The following PNPLA2 variants were observed in gnomAD, a reference collection of about 807,000 sequenced individuals.
The protein encoded by PNPLA2 is patatin like domain 2, triacylglycerol lipase.
A neutral mutation model predicts 39.7 loss-of-function variants in PNPLA2; 28 were observed. The observed-to-expected ratio is 0.70, with a 90% CI of 0.52 to 0.97. The LOEUF (loss-of-function observed/expected upper bound fraction) is 0.97. PNPLA2 is among the 50% of genes least tolerant of loss of function. The pLI, the probability that PNPLA2 is intolerant of heterozygous loss-of-function variation, is 0.00. For missense variants in PNPLA2, 768 were observed against 698.2 expected (o/e 1.10, Z -1.13); for synonymous variants, 392 against 321.1 (o/e 1.22, Z -2.36).
rs944560685 is a variant in PNPLA2 at position 824,613 on chromosome 11, G to C, written c.1266G>C (p.Trp422Cys). The C allele has an allele frequency of 1.3e-6, 2 of 1,593,954 alleles. No individual in the cohort carries two copies. ...CAAYREALPGWMRNNLSLGDA... is the reference protein window; with the variant it reads ...CAAYREALPGCMRNNLSLGDA... ...CCTACAGAGAGGCACTGCCCGGCTGGATGCGCAACAACCTCTCGCTGGGGG... is the reference window on the plus strand; with the variant it reads ...CCTACAGAGAGGCACTGCCCGGCTGCATGCGCAACAACCTCTCGCTGGGGG... The change falls in exon 10 of 10, where the codon TGG (tryptophan) becomes TGC (cysteine). Residue 422 changes from tryptophan to cysteine, a missense_variant. Physicochemically the swap from Trp to Cys is radical, Grantham distance 215. Transcript: ENST00000336615.
rs372164277 is a variant in PNPLA2 at position 824,400 on chromosome 11, G to T, written c.1139G>T (p.Arg380Leu). 4 of 1,554,198 alleles carry T rather than the reference G, an allele frequency of 2.6e-6. No homozygotes were observed. The African/African-American group carries it at 5.5e-5, about 21-fold the overall frequency. Residue 380 changes from arginine to leucine, a missense_variant, in exon 9 of 10, where the codon CGC becomes CTC. Coordinates refer to ENST00000336615, the MANE Select transcript of PNPLA2 (RefSeq NM_020376.4). The stretch of plus-strand genomic sequence containing the variant: ...AGCATCTGCCAGTACCTGGTGATGC[G>T]CGCCAAGAGGAAGCTGGGCAGGCAC... ...TGSICQYLVMRAKRKLGRHLP... is the reference protein window; with the variant it reads ...TGSICQYLVMLAKRKLGRHLP...
chr11:825,106 C>T lies in PNPLA2; in HGVS notation c.*244C>T. The T allele has an allele frequency of 1.7e-6, 1 of 575,762 alleles. No homozygotes were observed. The highest frequency in any genetic ancestry group is 4.1e-4 in the Middle Eastern group (1 of 2,412). 35.7% of individuals were successfully genotyped at this position (575,762 alleles called of 1,614,324 possible). On this transcript the variant is annotated 3_prime_UTR_variant, in exon 10 of 10. Coordinates refer to ENST00000336615, the MANE Select transcript of PNPLA2 (RefSeq NM_020376.4). ...CGAGCACCTCCCCCGCCCCTTTACT[C>T]CTGAGAACTTTGCAGCTGCCCTTCC...
chr11:819,357 G>A, intron 1 of PNPLA2: 1 of 958,780 alleles, frequency 1.0e-6, no homozygotes, highest in Non-Finnish European at 1.2e-6. Flanking sequence ...CTAGGCGTGT[G>A]CCCCCAGCCG....
At chr11:821,341 G>C (rs575402111) in intron 2 of PNPLA2, 1 of 532,092 alleles carries the variant, frequency 1.9e-6, no homozygotes, top group Non-Finnish European at 3.4e-6. Context: ...TTGAGTTTCT[G>C]CCTTGTCCCC....
Position 824,119 on chromosome 11 carries a change from C to G in PNPLA2, c.1041C>G (p.Ser347=), listed in dbSNP as rs374131475. The change falls in exon 8 of 10, where the codon TCC becomes TCG. Residue 347 remains serine, a synonymous_variant. Transcript: ENST00000336615. ...CGCTGCCGCTGGAGAGCGCTCTGTCCTTCACCATCCGGTGTGAGGGCTGGG... is the reference window on the plus strand; with the variant it reads ...CGCTGCCGCTGGAGAGCGCTCTGTCGTTCACCATCCGGTGTGAGGGCTGGG... ...PYTLPLESAL[S]FTIRLLEWLP... 2.1e-5 allele frequency: 34 copies of G among 1,597,982 alleles called. No individual in the cohort carries two copies. Among genetic ancestry groups the G allele is most frequent in the Non-Finnish European group, 2.6e-5 (31 of 1,173,706 alleles).
chr11:821,777 C>A lies in PNPLA2; in HGVS notation c.337C>A (p.Arg113Ser). The change falls in exon 3 of 10, where the codon CGC becomes AGC. Residue 113 changes from arginine (R) to serine (S), a missense_variant. Physicochemically the swap from Arg to Ser is moderately radical, Grantham distance 110. Coordinates refer to ENST00000336615, the MANE Select transcript of PNPLA2 (RefSeq NM_020376.4). ...PADSHEHASG[R>S]LGISLTRVSD... ...TGATAGCCATGAGCATGCCAGTGGG[C>A]GCCTGGGCATCTCCCTGACCCGCGT... 1 of 1,613,950 alleles carries A rather than the reference C, an allele frequency of 6.2e-7. No individual in the cohort carries two copies. Among genetic ancestry groups the A allele is most frequent in the Non-Finnish European group, 8.5e-7 (1 of 1,180,014 alleles).
At chr11:823,895 G>A (rs759264992) in intron 7 of PNPLA2, 40 bp downstream of exon 7, 1 of 1,555,968 alleles carries the variant, frequency 6.4e-7, no homozygotes, top group African/African-American at 1.4e-5. Flanking sequence ...GGGGAGGCAG[G>A]AGGGAAAGAG....
chr11:821,746 G>A lies in PNPLA2; in HGVS notation c.306G>A (p.Leu102=). ...TCCGCAGTTTCCTGCTGAAGGTCCTGCCTGCTGATAGCCATGAGCATGCCA... is the reference window on the plus strand; with the variant it reads ...TCCGCAGTTTCCTGCTGAAGGTCCTACCTGCTGATAGCCATGAGCATGCCA... The part of the protein sequence containing the change: ...KIIRSFLLKV[L]PADSHEHASG... Residue 102 remains leucine, a synonymous_variant, in exon 3 of 10, where the codon CTG becomes CTA. Transcript: ENST00000336615. 1.2e-6 allele frequency: 2 copies of A among 1,614,002 alleles called. No homozygotes were observed. The highest frequency in any genetic ancestry group is 1.7e-6 in the Non-Finnish European group (2 of 1,180,026).
chr11:825,019 C>G lies in PNPLA2; in HGVS notation c.*157C>G. The G allele has an allele frequency of 1.4e-6, 1 of 711,924 alleles. No homozygotes were observed. The highest frequency in any genetic ancestry group is 2.5e-6 in the Non-Finnish European group (1 of 405,100). The allele number at this position is 711,924 out of a possible 1,614,324, so 44.1% of individuals were successfully genotyped here. A position where few individuals can be genotyped will look rare whatever the true frequency, so the allele number is the denominator to read the frequency against. On this transcript the variant is annotated 3_prime_UTR_variant, in exon 10 of 10. Coordinates refer to ENST00000336615, the MANE Select transcript of PNPLA2 (RefSeq NM_020376.4). ...CACTGAGAGGGGAGGTTTCCACACC[C>G]CTCCCCTGGGCCGCTGAGGCCCCGC...
rs1590181228 is a variant in PNPLA2 at position 824,820 on chromosome 11, T to G, written c.1473T>G (p.Pro491=). ...GGCCTGCCCCCTTGCTGAGCACCCC[T>G]GCTCCCGAGGCCCGGCCCGTGATCG... ...LAGPAPLLST[P]APEARPVIGA... Residue 491 remains proline, a synonymous_variant, in exon 10 of 10, where the codon CCT becomes CCG. Transcript: ENST00000336615. 1 of 1,534,744 alleles carries G rather than the reference T, an allele frequency of 6.5e-7. No individual in the cohort carries two copies. The highest frequency in any genetic ancestry group is 2.4e-5 in the East Asian group (1 of 40,886).
rs1385840827 is a variant in PNPLA2, at chr11:824,411, A to C, written c.1150A>C (p.Lys384Gln). The C allele has an allele frequency of 1.3e-6, 2 of 1,554,810 alleles. No homozygotes were observed. The highest frequency in any genetic ancestry group is 1.4e-5 in the African/African-American group (1 of 73,460). Residue 384 changes from lysine to glutamine, a missense_variant, in exon 9 of 10, where the codon AAG becomes CAG. Transcript: ENST00000336615. Reference protein sequence around the residue: ...CQYLVMRAKRKLGRHLPSRLP... With the variant: ...CQYLVMRAKRQLGRHLPSRLP... The stretch of plus-strand genomic sequence containing the variant: ...GTACCTGGTGATGCGCGCCAAGAGG[A>C]AGCTGGGCAGGCACCTGCCCTCCAG...
rs1387082790 is a variant in PNPLA2 at position 824,130 on chromosome 11, G to A, written c.1052G>A (p.Arg351His). 1.3e-6 allele frequency: 2 copies of A among 1,594,508 alleles called. No individual in the cohort carries two copies. The highest frequency in any genetic ancestry group is 1.7e-5 in the Admixed American group (1 of 57,548). ...GAGAGCGCTCTGTCCTTCACCATCC[G>A]GTGTGAGGGCTGGGGGGTCGGGAGA... ...PLESALSFTI[R>H]LLEWLPDVPE... The change falls in exon 8 of 10, where the codon CGC becomes CAC. Residue 351 changes from arginine to histidine, a missense_variant and splice_region_variant. Coordinates refer to ENST00000336615, the MANE Select transcript of PNPLA2 (RefSeq NM_020376.4).
intron 1 of PNPLA2, 27 bp from the exon 2 acceptor site, chr11:819,547 A>AGCGCCGCCTCC (rs977365325): frequency 2.7e-5 from 35 of 1,290,052 alleles, no homozygotes; most frequent in African/African-American, 1.6e-4. Flanking sequence ...CACACTTAAA[A>AGCGCCGCCTCC]GCGCCGCCTC....
rs1298242723 is a variant in PNPLA2, at chr11:822,028, G to A, written c.486+5G>A. On this transcript the variant is annotated splice_donor_5th_base_variant and intron_variant, in intron 4 of 9. Coordinates refer to ENST00000336615, the MANE Select transcript of PNPLA2 (RefSeq NM_020376.4). ...CCTCCCTCCCTCCAGGGGGTGGTGAGTATTCCTAGCCCTGGACACCTTCTA... is the reference window on the plus strand; with the variant it reads ...CCTCCCTCCCTCCAGGGGGTGGTGAATATTCCTAGCCCTGGACACCTTCTA... 1 of 1,613,060 alleles carries A rather than the reference G, an allele frequency of 6.2e-7. No homozygotes were observed. Among genetic ancestry groups the A allele is most frequent in the African/African-American group, 1.3e-5 (1 of 74,880 alleles).
chr11:819,852 G>A lies in PNPLA2; in HGVS notation c.134G>A (p.Gly45Asp). Residue 45 changes from glycine (G) to aspartate (D), a missense_variant, in exon 2 of 10, where the codon GGC becomes GAC. Gly to Asp is a moderately conservative substitution (Grantham distance 94). Transcript: ENST00000336615. ...GTGGCCAACGCCACGCACATCTACG[G>A]CGCCTCGGCCGGGGCGCTCACGGCC... is the stretch of plus-strand genomic sequence containing the variant. ...FLVANATHIYGASAGALTATA... is the reference protein window; with the variant it reads ...FLVANATHIYDASAGALTATA... The A allele has an allele frequency of 1.4e-6, 2 of 1,469,908 alleles. No homozygotes were observed. Among genetic ancestry groups the A allele is most frequent in the Non-Finnish European group, 1.8e-6 (2 of 1,110,436 alleles). The allele number at this position is 1,469,908 out of a possible 1,614,324, so 91.1% of individuals were successfully genotyped here.
Position 821,635 on chromosome 11 carries a change from T to C in PNPLA2, c.195T>C (p.Ala65=). Residue 65 remains alanine (A), a synonymous_variant, in exon 3 of 10, where the codon GCT becomes GCC. Transcript: ENST00000336615. ...ALVTGVCLGE[A]GAKFIEVSKE... is the part of the protein sequence containing the mutation. ...CTTGGCCCTGTGCCCCAGGTGAGGC[T>C]GGTGCCAAGTTCATTGAGGTATCTA... is the stretch of plus-strand genomic sequence containing the variant. The C allele has an allele frequency of 6.2e-7, 1 of 1,613,370 alleles. No individual in the cohort carries two copies. The highest frequency in any genetic ancestry group is 8.5e-7 in the Non-Finnish European group (1 of 1,179,636).
At position 824,641 on chromosome 11, in the gene PNPLA2, G is replaced by C. The variant is rs897779955; in HGVS notation, c.1294G>C (p.Ala432Pro). 1.9e-6 allele frequency: 3 copies of C among 1,597,220 alleles called. No individual in the cohort carries two copies. The highest frequency in any genetic ancestry group is 2.5e-6 in the Non-Finnish European group (3 of 1,177,180). ...WMRNNLSLGDALAKWEECQRQ... is the reference protein window; with the variant it reads ...WMRNNLSLGDPLAKWEECQRQ... ...GCGCAACAACCTCTCGCTGGGGGAC[G>C]CGCTGGCCAAGTGGGAGGAGTGCCA... is the stretch of plus-strand genomic sequence containing the variant. Residue 432 changes from alanine (A) to proline (P), a missense_variant, in exon 10 of 10, where the codon GCG becomes CCG. Ala to Pro is a conservative substitution (Grantham distance 27, BLOSUM62 -1). Transcript: ENST00000336615.
intron 2 of PNPLA2, chr11:821,394 G>T: frequency 3.4e-6 from 2 of 596,402 alleles, no homozygotes; most frequent in South Asian, 2.0e-5. Flanking sequence ...GACTCATAGG[G>T]CAGGCAGTTG....
rs1462889794 is a variant in PNPLA2, at chr11:821,624, C to T, written c.188-4C>T. On this transcript the variant is annotated splice_region_variant and splice_polypyrimidine_tract_variant and intron_variant, in intron 2 of 9. Coordinates refer to ENST00000336615, the MANE Select transcript of PNPLA2 (RefSeq NM_020376.4). ...GGGCCCCTAACCTTGGCCCTGTGCCCCAGGTGAGGCTGGTGCCAAGTTCAT... is the reference window on the plus strand; with the variant it reads ...GGGCCCCTAACCTTGGCCCTGTGCCTCAGGTGAGGCTGGTGCCAAGTTCAT... 7 of 1,611,764 alleles carry T rather than the reference C, an allele frequency of 4.3e-6. No individual in the cohort carries two copies. The highest frequency in any genetic ancestry group is 5.9e-6 in the Non-Finnish European group (7 of 1,178,292).
Sources: allele counts gnomAD v4.1 joint callset, GRCh38; gene constraint gnomAD v4.1.1; transcripts MANE v1.5; gene names NCBI Gene and HGNC (gene_info 2026-07-23, HGNC 2026-07-21).